VPS13B: variants seen among roughly 807,000 people sequenced by gnomAD.
VPS13B encodes vacuolar protein sorting 13 homolog B, also known as intermembrane lipid transfer protein VPS13B.
In VPS13B, 285 loss-of-function variants were observed where a neutral mutation model predicts 426.4. The observed-to-expected ratio is 0.67, with a 90% CI of 0.61 to 0.74. VPS13B has a LOEUF of 0.74. Among genes scored for constraint, VPS13B ranks in the 30% least tolerant of loss-of-function variants. VPS13B has a pLI of 0.00. For synonymous variants in VPS13B, 1,676 were observed against 1,676.4 expected, an observed-to-expected ratio of 1.00 and a Z score of 0.01; for missense variants, 4,537 against 4,782.6, an observed-to-expected ratio of 0.95 and a Z score of 1.51.
intron 35 of VPS13B, among the ~76,000 whole-genome samples, chr8:99,684,690 G>A (rs1239629908): frequency 6.6e-6 from 1 of 152,198 alleles, no homozygotes; most frequent in Admixed American, 6.5e-5. Context: ...TTTTGTAACT[G>A]CATTCAGTGG....
At chr8:99,038,615 A>G in intron 3 of VPS13B, 49 bp downstream of exon 3, 1 of 1,505,330 alleles carries the variant, frequency 6.6e-7, no homozygotes, top group Non-Finnish European at 9.1e-7. Context: ...TTTTAGTAGT[A>G]TTTGACATTT....
At chr8:99,470,823 C>T (rs1373562957) in intron 24 of VPS13B, among the ~76,000 whole-genome samples, 1 of 151,448 alleles carries the variant, frequency 6.6e-6, no homozygotes, top group Non-Finnish European at 1.5e-5. Context: ...ACAGGATAAA[C>T]CCAAAGTAAC....
chr8:99,502,643 C>T (rs2133612728), intron 26 of VPS13B, among the ~76,000 whole-genome samples, 193 bp from the exon 27 acceptor site: 1 of 152,268 alleles, frequency 6.6e-6, no homozygotes, highest in South Asian at 2.1e-4. Context: ...ACTGGGCTTT[C>T]CCCTTTCTTG....
chr8:99,219,840 G>A (rs1815604481), intron 17 of VPS13B, among the ~76,000 whole-genome samples: 1 of 152,138 alleles, frequency 6.6e-6, no homozygotes, highest in African/African-American at 2.4e-5. Flanking sequence ...ACCATAGCAG[G>A]ATGGCTGCCA....
chr8:99,778,039 G>A (rs911578150), intron 41 of VPS13B, among the ~76,000 whole-genome samples: 2 of 151,970 alleles, frequency 1.3e-5, no homozygotes, highest in Non-Finnish European at 2.9e-5. Flanking sequence ...AGACCATCCT[G>A]GCTAACACGG....
At chr8:99,067,864 T>C (rs1040335151) in intron 3 of VPS13B, among the ~76,000 whole-genome samples, 2 of 152,222 alleles carry the variant, frequency 1.3e-5, no homozygotes, top group African/African-American at 4.8e-5. Flanking sequence ...TTCTTATACA[T>C]TGAATACTCT....
Position 99,868,442 on chromosome 8 carries a change from A to G in VPS13B, c.11369A>G (p.Glu3790Gly). ...VFTKPIGGAA[E>G]LVSQTGYGIL... Reference sequence around the variant, plus strand: ...ACAAAGCCCATCGGAGGAGCTGCTGAGCTGGTGTCACAGACTGGCTATGGT... The same window carrying G: ...ACAAAGCCCATCGGAGGAGCTGCTGGGCTGGTGTCACAGACTGGCTATGGT... The change falls in exon 59 of 62, where the codon GAG (glutamate) becomes GGG (glycine). Residue 3790 changes from glutamate to glycine, a missense_variant. Around this residue, in one of 2 missense-constraint regions of VPS13B, gnomAD observed 4,311 missense variants for 4,474.3 expected, o/e 0.96. Coordinates refer to ENST00000357162, the MANE Select transcript of VPS13B (RefSeq NM_152564.5). The G allele has an allele frequency of 6.2e-7, 1 of 1,613,408 alleles. No homozygotes were observed. The highest frequency in any genetic ancestry group is 8.5e-7 in the Non-Finnish European group (1 of 1,179,754).
chr8:99,045,068 C>A (rs528279143), intron 3 of VPS13B, among the ~76,000 whole-genome samples: 4 of 152,146 alleles, frequency 2.6e-5, no homozygotes, highest in Non-Finnish European at 5.9e-5. Flanking sequence ...TGCGTAGATA[C>A]CCAGTAGTGG....
intron 30 of VPS13B, among the ~76,000 whole-genome samples, chr8:99,522,824 T>C (rs1822441906): frequency 6.6e-6 from 1 of 152,216 alleles, no homozygotes; most frequent in East Asian, 1.9e-4. Context: ...TAAGAGTTTA[T>C]CAAAAATGTA....
rs149286443 is a variant in VPS13B at position 99,396,530 on chromosome 8, A to G, written c.3082+4826A>G. ...GAATATTTCCTGCTTTCTTTCTTTC[A>G]TGGCATTGGCAGTCCTGCAAATCAG... On this transcript the variant is annotated intron_variant, in intron 21 of 61. Coordinates refer to ENST00000357162, the MANE Select transcript of VPS13B (RefSeq NM_152564.5). Among the ~76,000 whole-genome samples the G allele has an allele frequency of 2.0e-3, 303 of 152,120 alleles. 3 individuals are homozygous for G. The highest frequency in any genetic ancestry group is 6.6e-3 in the African/African-American group (272 of 41,504).
intron 29 of VPS13B, among the ~76,000 whole-genome samples, chr8:99,518,024 C>CT (rs546777410): frequency 5.9e-5 from 9 of 151,450 alleles, no homozygotes; most frequent in East Asian, 5.8e-4. Flanking sequence ...ATTAAGTGCT[C>CT]TTTTTTTTAA....
chr8:99,207,404 C>A (rs569359945), intron 17 of VPS13B, among the ~76,000 whole-genome samples: 1 of 152,216 alleles, frequency 6.6e-6, no homozygotes, highest in African/African-American at 2.4e-5. Flanking sequence ...TCTATTCTGT[C>A]TCAGACATTT....
intron 3 of VPS13B, among the ~76,000 whole-genome samples, chr8:99,092,746 G>A (rs1846214178): frequency 6.6e-6 from 1 of 151,938 alleles, no homozygotes; most frequent in Non-Finnish European, 1.5e-5. Context: ...AATTAAGAAA[G>A]AAGTGTTTAC....
At chr8:99,717,883 T>G (rs971190006) in intron 37 of VPS13B, among the ~76,000 whole-genome samples, 1 of 152,216 alleles carries the variant, frequency 6.6e-6, no homozygotes, top group African/African-American at 2.4e-5. Context: ...CCAAATGACA[T>G]TCCATCATAT....
intron 19 of VPS13B, among the ~76,000 whole-genome samples, chr8:99,356,676 A>AT (rs918256556): frequency 5.2e-4 from 78 of 151,002 alleles, no homozygotes; most frequent in African/African-American, 1.4e-3. Context: ...TATCTTTACC[A>AT]TTTTTTTTTG....
At chr8:99,286,108 T>A (rs1032774853) in intron 19 of VPS13B, among the ~76,000 whole-genome samples, 1 of 152,182 alleles carries the variant, frequency 6.6e-6, no homozygotes, top group Non-Finnish European at 1.5e-5. Flanking sequence ...CTGCAAATAG[T>A]CTTAACTATT....
intron 21 of VPS13B, among the ~76,000 whole-genome samples, chr8:99,407,339 A>G (rs1447116162): frequency 6.6e-6 from 1 of 152,214 alleles, no homozygotes; most frequent in African/African-American, 2.4e-5. Flanking sequence ...TTTTAGGATC[A>G]TGAATGATAA....
At chr8:99,861,716 T>G in intron 57 of VPS13B, 60 bp from the exon 58 acceptor site, 1 of 1,554,924 alleles carries the variant, frequency 6.4e-7, no homozygotes, top group Non-Finnish European at 8.7e-7. Context: ...CTGAAACTAC[T>G]GCCTTGGGGT....
intron 16 of VPS13B, among the ~76,000 whole-genome samples, chr8:99,184,818 C>T (rs1214522713): frequency 6.6e-6 from 1 of 152,072 alleles, no homozygotes; most frequent in Non-Finnish European, 1.5e-5. Context: ...TGGCGAAACC[C>T]CGTCTCTACC....
Sources: gnomAD v4.1 joint callset for allele counts (sites outside exome capture counted in the v4.1 genomes callset) on GRCh38, gnomAD v4.1.1 for gene constraint, gnomAD v4.1.1 regional missense constraint, MANE v1.5 for transcripts, NCBI Gene and HGNC (gene_info 2026-07-23, HGNC 2026-07-21) for gene names.